Variants in MED23 observed in about 807,000 individuals in gnomAD.
The protein encoded by MED23 is mediator of RNA polymerase II transcription subunit 23.
MED23 carries 105 observed loss-of-function variants against 163.9 expected under a neutral mutation model. The ratio of observed to expected loss-of-function variants is 0.64; its 90% CI spans 0.55 to 0.75. MED23 has a LOEUF of 0.75. Among genes scored for constraint, MED23 ranks in the 30% least tolerant of loss-of-function variants. MED23 has a pLI of 0.00. For synonymous variants in MED23, 561 were observed against 565.6 expected, an observed-to-expected ratio of 0.99 and a Z score of 0.12; for missense variants, 1,054 against 1,649.0, an observed-to-expected ratio of 0.64 and a Z score of 6.25.
Position 131,581,479 on chromosome 6 carries a change from G to A in MED23, c.4095+6230C>T, listed in dbSNP as rs111292763. On this transcript the variant is annotated intron_variant, in intron 30 of 30. Coordinates refer to the MED23 transcript ENST00000354577. ...AACTCCATGTTATCTTATTCTTGGT[G>A]TAATCTCAAATCATTTTCTCTGCAG... 3,284 of 1,353,216 alleles carry A rather than the reference G, an allele frequency of 2.4e-3. 68 individuals carry two copies. In the African/African-American group the frequency reaches 0.043, roughly 18 times the overall value. The allele number at this position is 1,353,216 out of a possible 1,614,324, so 83.8% of individuals were successfully genotyped here.
chr6:131,606,370 T>A, intron 13 of MED23, 109 bp downstream of exon 13: 1 of 1,098,590 alleles, frequency 9.1e-7, no homozygotes, highest in Non-Finnish European at 1.4e-6. Context: ...TTACCTATAG[T>A]GGGTATGCGG....
At position 131,604,323 on chromosome 6, in the gene MED23, G is replaced by A. The variant is rs767254216; in HGVS notation, c.1614-3C>T. The A allele has an allele frequency of 6.8e-6, 11 of 1,613,166 alleles. No homozygotes were observed. In the East Asian group the frequency reaches 1.8e-4, roughly 26 times the overall value. On this transcript the variant is annotated splice_region_variant and splice_polypyrimidine_tract_variant and intron_variant, in intron 14 of 28. Coordinates refer to ENST00000368068, the MANE Select transcript of MED23 (RefSeq NM_004830.4). ...TGGTTGCAATGCTGTGAATAAGGCT[G>A]AGGAGAAAAAAAGGGAAGAAAATAA...
intron 3 of MED23, among the ~76,000 whole-genome samples, chr6:131,626,079 G>A (rs1242922564): frequency 2.2e-5 from 3 of 139,152 alleles, no homozygotes; most frequent in Non-Finnish European, 4.5e-5. Context: ...CCAAGATCAC[G>A]CCACTGCACT....
chr6:131,603,852 A>C lies in MED23; in HGVS notation c.1756+326T>G, dbSNP rs75630546. Among the ~76,000 whole-genome samples, 1,127 of 152,296 alleles carry C rather than the reference A, an allele frequency of 7.4e-3. 15 individuals are homozygous for C. Among genetic ancestry groups the C allele is most frequent in the African/African-American group, 0.025 (1,034 of 41,568 alleles). ...CACTGGAGGACAGCATTGCTGCCTC[A>C]GGCAGAATCCATTTGCATGAGGACA... On this transcript the variant is annotated intron_variant, in intron 15 of 28. Transcript: ENST00000368068.
chr6:131,574,156 T>C lies in MED23; in HGVS notation c.*137A>G, dbSNP rs553531190. The stretch of plus-strand genomic sequence containing the variant: ...AACACGCATCTGTGCTTAAAGAGGA[T>C]AAAAAACAAAGAACAAAATCAAACA... On this transcript the variant is annotated 3_prime_UTR_variant, in exon 31 of 31. Transcript: ENST00000354577. 6.3e-6 allele frequency: 7 copies of C among 1,107,534 alleles called. No individual in the cohort carries two copies. In the South Asian group the frequency reaches 7.6e-5, roughly 12 times the overall value. 68.6% of individuals were successfully genotyped at this position (1,107,534 alleles called of 1,614,324 possible).
At chr6:131,581,453 A>G in intron 30 of MED23, 4 of 1,440,592 alleles carry the variant, frequency 2.8e-6, no homozygotes, top group Non-Finnish European at 3.8e-6. Context: ...GGGAAATGAG[A>G]AACTCCATGT....
chr6:131,600,406 T>C (rs1775377798), intron 17 of MED23, among the ~76,000 whole-genome samples: 1 of 152,198 alleles, frequency 6.6e-6, no homozygotes. Flanking sequence ...ATCTCTTTTT[T>C]TGAGGTTACA....
At chr6:131,601,300 T>C (rs1775460420) in intron 17 of MED23, among the ~76,000 whole-genome samples, 1 of 152,164 alleles carries the variant, frequency 6.6e-6, no homozygotes, top group African/African-American at 2.4e-5. Flanking sequence ...TGCAGTGATA[T>C]TAACAAATGT....
rs1775694935 is a variant in MED23 at position 131,604,277 on chromosome 6, C to T, written c.1657G>A (p.Ala553Thr). ...IATRVIKLAH[A>T]KSSVALAPAL... ...GGAGCCAAGGCCACACTGGACTTTG[C>T]ATGAGCAAGTTTTATCACCCTGGTT... Residue 553 changes from alanine to threonine, a missense_variant, in exon 15 of 29, where the codon GCA (alanine) becomes ACA (threonine). By Grantham distance (58) the Ala-to-Thr change is moderately conservative (BLOSUM62 0). This residue lies in a region of MED23 where 54 missense variants were observed against 89.8 expected (regional missense o/e 0.60). Coordinates refer to ENST00000368068, the MANE Select transcript of MED23 (RefSeq NM_004830.4). The T allele has an allele frequency of 6.2e-7, 1 of 1,613,800 alleles. No homozygotes were observed.
chr6:131,597,438 T>C (rs1242426804), intron 20 of MED23, among the ~76,000 whole-genome samples: 1 of 128,302 alleles, frequency 7.8e-6, no homozygotes, highest in Non-Finnish European at 1.5e-5. Context: ...ATCACGCCAC[T>C]GCACTCCAGC....
Position 131,627,400 on chromosome 6 carries a change from G to C in MED23, c.155C>G (p.Ser52Cys). 6.2e-7 allele frequency: 1 copy of C among 1,610,400 alleles called. No homozygotes were observed. Residue 52 changes from serine to cysteine, a missense_variant, in exon 3 of 29, where the codon TCT becomes TGT. Around this residue, in one of 11 missense-constraint regions of MED23, gnomAD observed 227 missense variants for 235.5 expected, o/e 0.96. Coordinates refer to ENST00000368068, the MANE Select transcript of MED23 (RefSeq NM_004830.4). Reference sequence around the variant, plus strand: ...TATTAAAAATGAAGCGCTCACCTGAGAAAGACCACCCCAAAACTGTCTGAA... The same window carrying C: ...TATTAAAAATGAAGCGCTCACCTGACAAAGACCACCCCAAAACTGTCTGAA... The part of the protein sequence containing the change: ...GAFRQFWGGL[S>C]QESHEQCIQW...
At chr6:131,621,149 A>G (rs1347801639) in intron 6 of MED23, among the ~76,000 whole-genome samples, 1 of 152,200 alleles carries the variant, frequency 6.6e-6, no homozygotes, top group Non-Finnish European at 1.5e-5. Context: ...CAAAAAAGAC[A>G]TTAAAAAGTA....
chr6:131,617,233 C>T (rs572536338), intron 9 of MED23, among the ~76,000 whole-genome samples: 7 of 150,868 alleles, frequency 4.6e-5, no homozygotes, highest in Non-Finnish European at 7.4e-5. Flanking sequence ...CTATCTGTGT[C>T]GCTGGGGACA....
Position 131,587,660 on chromosome 6 carries a change from T to C in MED23, c.*19A>G, listed in dbSNP as rs558312178. 5.9e-5 allele frequency: 96 copies of C among 1,613,990 alleles called. No individual in the cohort carries two copies. The South Asian group carries it at 9.6e-4, about 16-fold the overall frequency. ...CAAAGACGGATATATTTCTACTTTC[T>C]CCACAGTACAGTCTGGCTTCACTGA... On this transcript the variant is annotated 3_prime_UTR_variant, in exon 29 of 29. Transcript: ENST00000368068.
At position 131,618,466 on chromosome 6, in the gene MED23, A is replaced by C. The variant is rs748834850; in HGVS notation, c.721T>G (p.Trp241Gly). The change falls in exon 9 of 29, where the codon TGG (tryptophan) becomes GGG (glycine). Residue 241 changes from tryptophan (W) to glycine (G), a missense_variant. By Grantham distance (184) the Trp-to-Gly change is radical (BLOSUM62 -2). Transcript: ENST00000368068. ...CGAAGAGTAGCAGGATCCAGTTTCC[A>C]TGAATTACAAATGGCACCCGAATTA... ...VNNSGAICNS[W>G]KLDPATLRFP... 6.2e-7 allele frequency: 1 copy of C among 1,614,100 alleles called. No homozygotes were observed. The highest frequency in any genetic ancestry group is 8.5e-7 in the Non-Finnish European group (1 of 1,179,976).
intron 27 of MED23, 86 bp from the exon 28 acceptor site, chr6:131,589,682 A>G: frequency 1.6e-6 from 2 of 1,231,374 alleles, no homozygotes; most frequent in Non-Finnish European, 2.4e-6. Context: ...TTACAACACT[A>G]GCACCGGGGG....
chr6:131,622,256 C>T (rs1777166611), intron 5 of MED23, among the ~76,000 whole-genome samples: 1 of 152,178 alleles, frequency 6.6e-6, no homozygotes, highest in Non-Finnish European at 1.5e-5. Flanking sequence ...TACGTTGTTA[C>T]AAGGGTCAAA....
At chr6:131,607,451 A>C (rs1351553384) in intron 12 of MED23, among the ~76,000 whole-genome samples, 1 of 152,036 alleles carries the variant, frequency 6.6e-6, no homozygotes, top group Non-Finnish European at 1.5e-5. Context: ...AGGCTGAGGC[A>C]GGAGAATTGC....
intron 30 of MED23, among the ~76,000 whole-genome samples, chr6:131,580,340 G>C (rs980755228): frequency 9.9e-5 from 15 of 152,098 alleles, no homozygotes; most frequent in Non-Finnish European, 1.8e-4. Context: ...AAACCTAAAG[G>C]GAAAACAAAC....
Sources: allele counts gnomAD v4.1 joint callset (sites outside exome capture counted in the v4.1 genomes callset), GRCh38; gene constraint gnomAD v4.1.1; regional missense constraint gnomAD v4.1.1; transcripts MANE v1.5; gene names NCBI Gene and HGNC (gene_info 2026-07-23, HGNC 2026-07-21).